The following TEP1 variants were observed in gnomAD, a reference collection of about 807,000 sequenced individuals.
TEP1 encodes telomerase associated protein 1.
In TEP1, 241 loss-of-function variants were observed where a neutral mutation model predicts 306.3. The ratio of observed to expected loss-of-function variants is 0.79; its 90% CI spans 0.71 to 0.88. The LOEUF (loss-of-function observed/expected upper bound fraction) is 0.88. Among genes scored for constraint, TEP1 ranks in the 40% least tolerant of loss-of-function variants. The pLI is 0.00. For missense variants in TEP1, 3,051 were observed against 3,276.1 expected (o/e 0.93, Z 1.68); for synonymous variants, 1,289 against 1,305.5 (o/e 0.99, Z 0.27).
chr14:20,376,003 C>G (rs1885151410), intron 42 of TEP1, 101 bp downstream of exon 42: 2 of 1,534,008 alleles, frequency 1.3e-6, no homozygotes, highest in South Asian at 1.2e-5. Flanking sequence ...CTAGATTTGG[C>G]AAAACAAAAA....
At chr14:20,382,777 C>G in intron 27 of TEP1, 62 bp from the exon 28 acceptor site, 1 of 1,486,312 alleles carries the variant, frequency 6.7e-7, no homozygotes, top group Non-Finnish European at 9.4e-7. Flanking sequence ...GCCCTCTGCC[C>G]CAGCACCAGC....
intron 12 of TEP1, among the ~76,000 whole-genome samples, chr14:20,394,694 A>G (rs1309513505): frequency 6.6e-6 from 1 of 152,074 alleles, no homozygotes; most frequent in Non-Finnish European, 1.5e-5. Context: ...TGGCCAGGCT[A>G]GTCTCAAACT....
rs1458741199 is a variant in TEP1 at position 20,381,370 on chromosome 14, G to A, written c.4590C>T (p.Ala1530=). ...AQLWKTCDAD[A]SGTFRSCPPE... is the part of the protein sequence containing the mutation. ...GAGGGCAACTTCGGAAGGTGCCTGA[G>A]GCATCAGCGTCACATGTCTTCCAGA... The change falls in exon 32 of 55, where the codon GCC becomes GCT. Residue 1530 remains alanine (A), a synonymous_variant. Coordinates refer to ENST00000262715, the MANE Select transcript of TEP1 (RefSeq NM_007110.5). The surrounding 1 kb of genome is among the most constrained non-coding windows in gnomAD (Gnocchi z 4.0). 1 of 1,614,196 alleles carries A rather than the reference G, an allele frequency of 6.2e-7. No homozygotes were observed. Among genetic ancestry groups the A allele is most frequent in the East Asian group, 2.2e-5 (1 of 44,890 alleles).
chr14:20,395,652 GAGTT>G, intron 11 of TEP1, 25 bp from the exon 12 acceptor site: 1 of 1,581,454 alleles, frequency 6.3e-7, no homozygotes, highest in Non-Finnish European at 8.7e-7. Flanking sequence ...GTAAATTTCC[GAGTT>G]AGGCAGCTTC....
chr14:20,366,373 G>A lies in TEP1; in HGVS notation c.*2064C>T, dbSNP rs910332143. ...GCAAAAGATTGAAATCAATGACTAGGATGATGCCATGCCATAGTTCGCTGC... is the reference window on the plus strand; with the variant it reads ...GCAAAAGATTGAAATCAATGACTAGAATGATGCCATGCCATAGTTCGCTGC... On this transcript the variant is annotated 3_prime_UTR_variant, in exon 55 of 55. Coordinates refer to ENST00000262715, the MANE Select transcript of TEP1 (RefSeq NM_007110.5). The A allele has an allele frequency of 6.6e-6, 1 of 152,182 alleles. No individual in the cohort carries two copies. The highest frequency in any genetic ancestry group is 6.5e-5 in the Admixed American group (1 of 15,278). The allele number at this position is 152,182 out of a possible 1,614,324, so 9.4% of individuals were successfully genotyped here.
At position 20,383,752 on chromosome 14, in the gene TEP1, C is replaced by T. The variant is rs1199518499; in HGVS notation, c.3701G>A (p.Ser1234Asn). The T allele has an allele frequency of 1.2e-6, 2 of 1,611,336 alleles. No homozygotes were observed. The part of the protein sequence containing the change: ...GQLKEPGALP[S>N]TYRSLVWELQ... ...ATTGGGGGATACCCACCGGTAGGTGCTGGGGAGGGCACCTGGCTCTTTTAG... is the reference window on the plus strand; with the variant it reads ...ATTGGGGGATACCCACCGGTAGGTGTTGGGGAGGGCACCTGGCTCTTTTAG... Residue 1234 changes from serine to asparagine, a missense_variant, in exon 25 of 55, where the codon AGC becomes AAC. Coordinates refer to ENST00000262715, the MANE Select transcript of TEP1 (RefSeq NM_007110.5).
At chr14:20,404,798 A>G (rs771970154) in intron 4 of TEP1, 26 bp from the exon 5 acceptor site, 2 of 1,577,128 alleles carry the variant, frequency 1.3e-6, no homozygotes, top group Non-Finnish European at 1.7e-6. Flanking sequence ...AGAGGACTAG[A>G]ATCTCAGTCA....
intron 43 of TEP1, among the ~76,000 whole-genome samples, chr14:20,375,164 G>C (rs919408893): frequency 6.6e-6 from 1 of 150,646 alleles, no homozygotes; most frequent in Non-Finnish European, 1.5e-5. Context: ...GGTAGCTATT[G>C]TCCATATTAT....
chr14:20,401,231 G>A (rs1878710221), intron 8 of TEP1, 90 bp from the exon 9 acceptor site: 5 of 1,485,230 alleles, frequency 3.4e-6, no homozygotes, highest in African/African-American at 1.4e-5. Flanking sequence ...TACAGGGCAT[G>A]TCTGCCCAAA....
chr14:20,376,263 C>A lies in TEP1; in HGVS notation c.6090G>T (p.Glu2030Asp), dbSNP rs765794068. 1.2e-6 allele frequency: 2 copies of A among 1,611,426 alleles called. No homozygotes were observed. The highest frequency in any genetic ancestry group is 2.2e-5 in the South Asian group (2 of 90,710). ...TTGGCCACAGCTGCACTGTGAAATC[C>A]TCTGCATTGGAAAAAGAGAGAGGGA... ...TSQELLASAS[E>D]DFTVQLWPRQ... Residue 2030 changes from glutamate to aspartate, a missense_variant and splice_region_variant, in exon 42 of 55, where the codon GAG (glutamate) becomes GAT (aspartate). Coordinates refer to ENST00000262715, the MANE Select transcript of TEP1 (RefSeq NM_007110.5).
At chr14:20,370,656 G>A (rs554935028) in intron 51 of TEP1, among the ~76,000 whole-genome samples, 5 of 152,208 alleles carry the variant, frequency 3.3e-5, no homozygotes, top group African/African-American at 7.2e-5. Context: ...TCTTGTACCC[G>A]GCTTTGCAGA....
intron 5 of TEP1, among the ~76,000 whole-genome samples, 159 bp downstream of exon 5, chr14:20,404,452 C>T (rs1879009789): frequency 6.6e-6 from 1 of 151,342 alleles, no homozygotes; most frequent in Admixed American, 6.6e-5. Context: ...CCATGCTGGA[C>T]AACCCAGCCT....
rs1223761917 is a variant in TEP1, at chr14:20,405,542, AC to A, written c.778del (p.Val260Ter). The A allele has an allele frequency of 6.2e-7, 1 of 1,614,206 alleles. No homozygotes were observed. Among genetic ancestry groups the A allele is most frequent in the South Asian group, 1.1e-5 (1 of 91,092 alleles). On this transcript the variant is annotated frameshift_variant, in exon 4 of 55. Coordinates refer to ENST00000262715, the MANE Select transcript of TEP1 (RefSeq NM_007110.5). LOFTEE classifies it high-confidence loss of function. ...GGGGTCAGATGTATTGTTCATGTTT[AC>A]TTCTGAGACCAGAGTAGAGCACAGC... The part of the protein sequence containing the change: ...SLLCSTLVSE[V>X]NMNNTSDPTL...
At chr14:20,393,109 C>T (rs1044900572) in intron 12 of TEP1, among the ~76,000 whole-genome samples, 30 of 151,648 alleles carry the variant, frequency 2.0e-4, no homozygotes, top group African/African-American at 5.6e-4. Flanking sequence ...CCCAGCTACT[C>T]GGGAGGCTGA....
At chr14:20,383,964 G>A in intron 24 of TEP1, 46 bp from the exon 25 acceptor site, 2 of 1,589,652 alleles carry the variant, frequency 1.3e-6, no homozygotes, top group South Asian at 1.1e-5. Context: ...TTACATGCCT[G>A]AGCTCCCTGT....
Position 20,387,936 on chromosome 14 carries a change from G to C in TEP1, c.2653C>G (p.Pro885Ala). Residue 885 changes from proline to alanine, a missense_variant, in exon 18 of 55, where the codon CCA becomes GCA. Pro to Ala is a conservative substitution (Grantham distance 27, BLOSUM62 -1). Transcript: ENST00000262715. ...QSLRPLEEDT[P>A]SPLAPVSQQG... is the part of the protein sequence containing the mutation. ...TGGGAAACAGGAGCCAAGGGGCTTG[G>C]AGTGTCCTCTTCCAGTGGCCGGAGA... The C allele has an allele frequency of 6.2e-7, 1 of 1,613,642 alleles. No individual in the cohort carries two copies. The highest frequency in any genetic ancestry group is 8.5e-7 in the Non-Finnish European group (1 of 1,179,862).
At chr14:20,410,802 G>GTTT (rs61662364) in intron 1 of TEP1, among the ~76,000 whole-genome samples, 14 of 25,208 alleles carry the variant, frequency 5.6e-4, no homozygotes, top group African/African-American at 9.9e-4. Context: ...CTCCTTTGTG[G>GTTT]TTTTTTTTTT....
In TEP1 at chr14:20,368,366, A is replaced by C; in HGVS notation, c.*71T>G. 1 of 1,493,278 alleles carries C rather than the reference A, an allele frequency of 6.7e-7. No homozygotes were observed. Among genetic ancestry groups the C allele is most frequent in the Non-Finnish European group, 9.0e-7 (1 of 1,106,532 alleles). 92.5% of individuals were successfully genotyped at this position (1,493,278 alleles called of 1,614,324 possible). ...AGAAATTATTAATTTTATAATTATT[A>C]AAAGCTACCAGTGTCTTCAGGCTTT... is the stretch of plus-strand genomic sequence containing the variant. On this transcript the variant is annotated 3_prime_UTR_variant, in exon 55 of 55. Coordinates refer to ENST00000262715, the MANE Select transcript of TEP1 (RefSeq NM_007110.5).
rs1878934993 is a variant in TEP1, at chr14:20,403,624, T to C, written c.1194+99A>G. The C allele has an allele frequency of 5.0e-6, 8 of 1,594,062 alleles. No individual in the cohort carries two copies. The Admixed American group carries it at 1.4e-4, about 27-fold the overall frequency. On this transcript the variant is annotated intron_variant, in intron 6 of 54. Coordinates refer to ENST00000262715, the MANE Select transcript of TEP1 (RefSeq NM_007110.5). ...GCTCCCCTGCATTTCTCTGACTCCC[T>C]TTGCTCCTGGTGTGGGACTCCCCAG... is the stretch of plus-strand genomic sequence containing the variant.
Sources: gnomAD v4.1 joint callset for allele counts (sites outside exome capture counted in the v4.1 genomes callset) on GRCh38, gnomAD v4.1.1 for gene constraint, Gnocchi (gnomAD v3.1) non-coding constraint, MANE v1.5 for transcripts, NCBI Gene and HGNC (gene_info 2026-07-23, HGNC 2026-07-21) for gene names.